DLEC1: variants seen among roughly 807,000 people sequenced by gnomAD.
The protein encoded by DLEC1 is deleted in lung and esophageal cancer protein 1.
Under a neutral mutation model 198.1 loss-of-function variants are expected in DLEC1, and 146 were observed. The observed-to-expected ratio is 0.74, with a 90% CI of 0.64 to 0.85. DLEC1 has a LOEUF of 0.85. Ranked by LOEUF, DLEC1 falls within the 40% of genes least tolerant of loss-of-function variation. DLEC1 has a pLI of 0.00. For missense variants in DLEC1, 2,233 were observed against 2,220.0 expected, an observed-to-expected ratio of 1.01 and a Z score of -0.12; for synonymous variants, 897 against 866.8, an observed-to-expected ratio of 1.03 and a Z score of -0.61.
intron 6 of DLEC1, among the ~76,000 whole-genome samples, chr3:38,075,559 C>G (rs537446744): frequency 6.7e-6 from 1 of 149,336 alleles, no homozygotes; most frequent in African/African-American, 2.5e-5. Context: ...AGTAGAGACA[C>G]GGAGGGAAGG....
intron 2 of DLEC1, among the ~76,000 whole-genome samples, chr3:38,055,586 C>T (rs903415052): frequency 6.6e-6 from 1 of 152,044 alleles, no homozygotes; most frequent in Non-Finnish European, 1.5e-5. Flanking sequence ...CAACAGGAAA[C>T]TCAGGAGAGT....
At chr3:38,045,743 A>G in intron 2 of DLEC1, 50 bp downstream of exon 2, 1 of 1,551,066 alleles carries the variant, frequency 6.4e-7, no homozygotes, top group Non-Finnish European at 8.7e-7. Context: ...GGCTGTTGAT[A>G]TTTCACTGTG....
rs1697116951 is a variant in DLEC1, at chr3:38,067,952, C to T, written c.1173+4033C>T. Among the ~76,000 whole-genome samples, 4 of 152,012 alleles carry T rather than the reference C, an allele frequency of 2.6e-5. No individual in the cohort carries two copies. In the South Asian group the frequency reaches 8.3e-4, roughly 32 times the overall value. Reference sequence around the variant, plus strand: ...TATTTTTGGTAGAGAGAGGGTTTTGCCATGTTGGCCATGCTGGTCTCGAAC... The same window carrying T: ...TATTTTTGGTAGAGAGAGGGTTTTGTCATGTTGGCCATGCTGGTCTCGAAC... On this transcript the variant is annotated intron_variant, in intron 6 of 36. Coordinates refer to ENST00000308059, the MANE Select transcript of DLEC1 (RefSeq NM_007335.4).
intron 7 of DLEC1, among the ~76,000 whole-genome samples, chr3:38,084,462 A>AGTAG (rs1698285353): frequency 1.0e-4 from 2 of 19,230 alleles, no homozygotes; most frequent in African/African-American, 4.6e-4. Context: ...GGTAGTAGTA[A>AGTAG]TAGTAGTGGT....
At chr3:38,046,061 A>C (rs182222578) in intron 2 of DLEC1, among the ~76,000 whole-genome samples, 100 of 152,374 alleles carry the variant, frequency 6.6e-4, no homozygotes, top group African/African-American at 1.4e-3. Context: ...AACTGTGTGC[A>C]TATTCAGGGA....
intron 2 of DLEC1, among the ~76,000 whole-genome samples, chr3:38,049,787 A>C (rs1296470019): frequency 1.3e-5 from 2 of 152,220 alleles, no homozygotes; most frequent in African/African-American, 4.8e-5. Context: ...TCCTTTGTAT[A>C]GAAGTCTTAT....
At chr3:38,056,116 C>CACACAA (rs1447856110) in intron 2 of DLEC1, among the ~76,000 whole-genome samples, 13 of 110,892 alleles carry the variant, frequency 1.2e-4, no homozygotes, top group African/African-American at 2.9e-4. Flanking sequence ...CACACACACA[C>CACACAA]AAATAGCTGA....
At position 38,123,179 on chromosome 3, in the gene DLEC1, C is replaced by A; in HGVS notation, c.*767C>A. On this transcript the variant is annotated 3_prime_UTR_variant, in exon 37 of 37. Coordinates refer to ENST00000308059, the MANE Select transcript of DLEC1 (RefSeq NM_007335.4). Reference sequence around the variant, plus strand: ...AGGCACCCACCAAATTACCTCCAGACCAGGCTGACCCAGAAGGACGTCATG... The same window carrying A: ...AGGCACCCACCAAATTACCTCCAGAACAGGCTGACCCAGAAGGACGTCATG... The A allele has an allele frequency of 6.5e-7, 1 of 1,527,150 alleles. No individual in the cohort carries two copies. Among genetic ancestry groups the A allele is most frequent in the South Asian group, 1.1e-5 (1 of 89,314 alleles). The allele number at this position is 1,527,150 out of a possible 1,614,324, so 94.6% of individuals were successfully genotyped here. A position where few individuals can be genotyped will look rare whatever the true frequency, so the allele number is the denominator to read the frequency against.
intron 6 of DLEC1, among the ~76,000 whole-genome samples, chr3:38,082,572 T>G (rs1698107887): frequency 6.6e-6 from 1 of 150,998 alleles, no homozygotes; most frequent in African/African-American, 2.4e-5. Context: ...GAGGTTGGGG[T>G]GTGGAAATAA....
At chr3:38,098,409 A>G (rs1480083933) in intron 18 of DLEC1, among the ~76,000 whole-genome samples, 2 of 152,252 alleles carry the variant, frequency 1.3e-5, no homozygotes, top group African/African-American at 4.8e-5. Flanking sequence ...AAAGTAGGAA[A>G]AAAAGCAGCT....
chr3:38,050,307 A>G (rs1236626073), intron 2 of DLEC1, among the ~76,000 whole-genome samples: 2 of 152,152 alleles, frequency 1.3e-5, no homozygotes, highest in Non-Finnish European at 2.9e-5. Context: ...ACGTCTTAAG[A>G]AAGCCCTGCT....
chr3:38,054,209 C>A (rs1232199365), intron 2 of DLEC1, among the ~76,000 whole-genome samples: 32 of 103,732 alleles, frequency 3.1e-4, no homozygotes, highest in East Asian at 1.7e-3. Context: ...AAAAAAAAAA[C>A]AAAACAAAAA....
At position 38,093,549 on chromosome 3, in the gene DLEC1, GGCCTGATTTCA is replaced by G. The variant is rs916721146; in HGVS notation, c.1757-52_1757-42del. 4.8e-4 allele frequency: 778 copies of G among 1,606,036 alleles called. 1 individual carries two copies. The highest frequency in any genetic ancestry group is 6.2e-4 in the Non-Finnish European group (733 of 1,174,730). On this transcript the variant is annotated intron_variant, in intron 11 of 36. Transcript: ENST00000308059. ...GCGGCATGGGTCCTGCAGCAGCCTTGGCCTGATTTCAGCCCTAGTGAGCCTTCACTGACTTC... is the reference window on the plus strand; with the variant it reads ...GCGGCATGGGTCCTGCAGCAGCCTTGGCCCTAGTGAGCCTTCACTGACTTC...
chr3:38,059,380 TGCACTGTCTCTAGTAGCAG>T (rs1696558539), intron 2 of DLEC1, among the ~76,000 whole-genome samples: 1 of 152,226 alleles, frequency 6.6e-6, no homozygotes, highest in Admixed American at 6.5e-5. Flanking sequence ...AGTGAAGAAG[TGCACTGTCTCTAGTAGCAG>T]GCACTGCAAA....
chr3:38,074,474 G>C (rs565478525), intron 6 of DLEC1, among the ~76,000 whole-genome samples: 1 of 152,370 alleles, frequency 6.6e-6, no homozygotes, highest in East Asian at 1.9e-4. Flanking sequence ...GCTTAAGCGG[G>C]CCATGAACTG....
At position 38,117,529 on chromosome 3, in the gene DLEC1, T is replaced by C. The variant is rs780409257; in HGVS notation, c.4403T>C (p.Leu1468Pro). 6.2e-7 allele frequency: 1 copy of C among 1,614,146 alleles called. No homozygotes were observed. The highest frequency in any genetic ancestry group is 1.3e-5 in the African/African-American group (1 of 75,042). ...DLHSYVRPAQ[L>P]SVELDYGGSM... The stretch of plus-strand genomic sequence containing the variant: ...CAACAATGCCTATTGCTGGGCAGGC[T>C]AAGTGTGGAGCTGGACTACGGCGGC... Residue 1468 changes from leucine (L) to proline (P), a missense_variant and splice_region_variant, in exon 32 of 37, where the codon CTA becomes CCA. Leu to Pro is a moderately conservative substitution (Grantham distance 98). Transcript: ENST00000308059.
intron 1 of DLEC1, among the ~76,000 whole-genome samples, chr3:38,042,224 C>T (rs1016145904): frequency 2.0e-5 from 3 of 152,088 alleles, no homozygotes; most frequent in Admixed American, 6.6e-5. Context: ...AACTCCTGAC[C>T]TCAAGTGATC....
chr3:38,062,082 G>T, intron 3 of DLEC1, 87 bp from the exon 4 acceptor site: 1 of 1,343,922 alleles, frequency 7.4e-7, no homozygotes, highest in Non-Finnish European at 1.1e-6. Context: ...AGCTAACTGT[G>T]GCTTTGGTGG....
At chr3:38,059,009 A>C (rs1027299991) in intron 2 of DLEC1, among the ~76,000 whole-genome samples, 1 of 152,198 alleles carries the variant, frequency 6.6e-6, no homozygotes, top group Non-Finnish European at 1.5e-5. Flanking sequence ...TTTATATGTT[A>C]TATAAATAAT....
Sources: allele counts gnomAD v4.1 joint callset (sites outside exome capture counted in the v4.1 genomes callset), GRCh38; gene constraint gnomAD v4.1.1; transcripts MANE v1.5; gene names NCBI Gene and HGNC (gene_info 2026-07-23, HGNC 2026-07-21).